The following SLC24A4 variants were observed in gnomAD, a reference collection of about 807,000 sequenced individuals.
SLC24A4 encodes the protein solute carrier family 24 member 4, also known as sodium/potassium/calcium exchanger 4.
In SLC24A4, 53 loss-of-function variants were observed where a neutral mutation model predicts 79.0. That is an observed-to-expected ratio of 0.67 (90% CI 0.54 to 0.84). The LOEUF (loss-of-function observed/expected upper bound fraction) is 0.84. Ranked by LOEUF, SLC24A4 falls within the 40% of genes least tolerant of loss-of-function variation. The pLI is 0.00. For missense variants in SLC24A4, 731 were observed against 822.0 expected, an observed-to-expected ratio of 0.89 and a Z score of 1.35; for synonymous variants, 323 against 323.8, an observed-to-expected ratio of 1.00 and a Z score of 0.03.
intron 12 of SLC24A4, among the ~76,000 whole-genome samples, chr14:92,459,594 C>T (rs1254449570): frequency 6.6e-6 from 1 of 152,182 alleles, no homozygotes; most frequent in Non-Finnish European, 1.5e-5. Context: ...GAATAGGCCT[C>T]AGCTTCCTGC....
At chr14:92,334,108 T>C (rs1885637356) in intron 2 of SLC24A4, among the ~76,000 whole-genome samples, 1 of 152,202 alleles carries the variant, frequency 6.6e-6, no homozygotes, top group Non-Finnish European at 1.5e-5. Flanking sequence ...GATGCCTCAG[T>C]GGACTTGGGA....
At chr14:92,438,325 C>T (rs1198525504) in intron 3 of SLC24A4, among the ~76,000 whole-genome samples, 1 of 152,156 alleles carries the variant, frequency 6.6e-6, no homozygotes, top group African/African-American at 2.4e-5. Flanking sequence ...GATACAGGGC[C>T]AGGTGCTTTG....
intron 12 of SLC24A4, among the ~76,000 whole-genome samples, chr14:92,473,748 G>GC (rs1333869558): frequency 6.6e-6 from 1 of 152,130 alleles, no homozygotes; most frequent in Non-Finnish European, 1.5e-5. Flanking sequence ...TGCTGCTTCT[G>GC]CCTCTCCTCT....
chr14:92,355,770 C>A (rs1005566068), intron 2 of SLC24A4, among the ~76,000 whole-genome samples: 9 of 152,306 alleles, frequency 5.9e-5, no homozygotes, highest in Admixed American at 4.6e-4. Flanking sequence ...AAGCTGTCAT[C>A]AGTGACACTG....
intron 2 of SLC24A4, among the ~76,000 whole-genome samples, chr14:92,373,285 C>T (rs1888310193): frequency 6.6e-6 from 1 of 151,982 alleles, no homozygotes; most frequent in South Asian, 2.1e-4. Flanking sequence ...CTCAAGTGAT[C>T]CACCCGCCTC....
intron 7 of SLC24A4, 80 bp downstream of exon 7, chr14:92,443,554 G>C (rs962717593): frequency 1.4e-6 from 2 of 1,427,710 alleles, no homozygotes; most frequent in African/African-American, 2.8e-5. Context: ...CTCTGCCCCT[G>C]GCACTGTGAC....
intron 8 of SLC24A4, 72 bp downstream of exon 8, chr14:92,445,414 C>T: frequency 1.4e-6 from 2 of 1,472,418 alleles, no homozygotes. Flanking sequence ...TGTTGGGTTC[C>T]CTGAATCGTT....
At chr14:92,428,213 G>C (rs913686238) in intron 2 of SLC24A4, among the ~76,000 whole-genome samples, 6 of 152,160 alleles carry the variant, frequency 3.9e-5, no homozygotes, top group African/African-American at 1.4e-4. Context: ...GCCTCTTGAC[G>C]CTTAGGTCTG....
intron 2 of SLC24A4, among the ~76,000 whole-genome samples, chr14:92,341,293 A>G (rs191919323): frequency 1.3e-5 from 2 of 152,238 alleles, no homozygotes; most frequent in East Asian, 3.9e-4. Flanking sequence ...GGACGTGAAC[A>G]ATACTCTGAG....
chr14:92,487,305 C>G (rs889765245), intron 14 of SLC24A4, among the ~76,000 whole-genome samples: 1 of 152,210 alleles, frequency 6.6e-6, no homozygotes. Flanking sequence ...AGAGCTGTAA[C>G]AAGTGCAGGT....
At chr14:92,476,934 T>G (rs1894795200) in intron 12 of SLC24A4, among the ~76,000 whole-genome samples, 1 of 152,252 alleles carries the variant, frequency 6.6e-6, no homozygotes, top group Admixed American at 6.5e-5. Context: ...ATGCCACATT[T>G]TGTTTATCCA....
chr14:92,376,126 C>T (rs1468099440), intron 2 of SLC24A4, among the ~76,000 whole-genome samples: 6 of 134,904 alleles, frequency 4.4e-5, no homozygotes, highest in Non-Finnish European at 7.7e-5. Context: ...GTGCGTGTTC[C>T]AACGGCCATA....
rs745245 is a variant in SLC24A4 at position 92,366,078 on chromosome 14, A to G, written c.241+40100A>G. 8.4e-4 allele frequency among the ~76,000 whole-genome samples: 128 copies of G among 152,172 alleles called. 2 individuals are homozygous for G. The East Asian group carries it at 0.019, about 23-fold the overall frequency. On this transcript the variant is annotated intron_variant, in intron 2 of 16. Coordinates refer to ENST00000532405, the MANE Select transcript of SLC24A4 (RefSeq NM_153646.4). ...GTGGCATAGGCACCATTATATTTCCATTTTTCAGATGAGAAAATTGTGGTG... is the reference window on the plus strand; with the variant it reads ...GTGGCATAGGCACCATTATATTTCCGTTTTTCAGATGAGAAAATTGTGGTG...
At chr14:92,397,534 G>A (rs1424349815) in intron 2 of SLC24A4, among the ~76,000 whole-genome samples, 3 of 152,234 alleles carry the variant, frequency 2.0e-5, no homozygotes, top group Non-Finnish European at 2.9e-5. Flanking sequence ...GCATCCTGGA[G>A]GAGGGGGCAT....
intron 2 of SLC24A4, among the ~76,000 whole-genome samples, chr14:92,358,047 G>T (rs1044930313): frequency 2.0e-5 from 3 of 152,168 alleles, no homozygotes; most frequent in Non-Finnish European, 4.4e-5. Flanking sequence ...CTGCTGGCAG[G>T]CTCACTGTCT....
intron 2 of SLC24A4, among the ~76,000 whole-genome samples, chr14:92,388,955 A>AAAACAAAC (rs374184248): frequency 8.6e-5 from 13 of 151,890 alleles, no homozygotes; most frequent in South Asian, 6.2e-4. Flanking sequence ...GTTTGCTCTA[A>AAAACAAAC]AAACAAACAA....
At chr14:92,468,922 GTGTGTGTGTGTGTC>G (rs1204591494) in intron 12 of SLC24A4, among the ~76,000 whole-genome samples, 18 of 118,564 alleles carry the variant, frequency 1.5e-4, no homozygotes, top group Admixed American at 3.9e-4. Context: ...GTGTGTGTGT[GTGTGTGTGTGTGTC>G]ACTTAAAACT....
intron 13 of SLC24A4, chr14:92,484,617 C>G: frequency 1.0e-6 from 1 of 985,412 alleles, no homozygotes. Flanking sequence ...AGGACCCCAG[C>G]ATCTGCCCCA....
chr14:92,338,532 C>A (rs751974094), intron 2 of SLC24A4, among the ~76,000 whole-genome samples: 1 of 152,160 alleles, frequency 6.6e-6, no homozygotes, highest in Non-Finnish European at 1.5e-5. Context: ...AAGAGAAAGA[C>A]CATTCACACC....
Sources: allele counts gnomAD v4.1 joint callset (sites outside exome capture counted in the v4.1 genomes callset), GRCh38; gene constraint gnomAD v4.1.1; transcripts MANE v1.5; gene names NCBI Gene and HGNC (gene_info 2026-07-23, HGNC 2026-07-21).